GPR158: variants seen among roughly 807,000 people sequenced by gnomAD.
The protein encoded by GPR158 is G protein-coupled receptor 158, also known as metabotropic glycine receptor.
Under a neutral mutation model 78.2 loss-of-function variants are expected in GPR158, and 30 were observed. The ratio of observed to expected loss-of-function variants is 0.38; its 90% CI spans 0.29 to 0.52. The LOEUF is 0.52. Ranked by LOEUF, GPR158 falls within the 20% of genes least tolerant of loss-of-function variation. GPR158 has a pLI of 0.83. For synonymous variants in GPR158, 581 were observed against 591.1 expected, an observed-to-expected ratio of 0.98 and a Z score of 0.25; for missense variants, 1,463 against 1,523.5, an observed-to-expected ratio of 0.96 and a Z score of 0.66.
chr10:25,201,479 A>G (rs888554971), intron 1 of GPR158, among the ~76,000 whole-genome samples: 3 of 151,910 alleles, frequency 2.0e-5, no homozygotes, highest in African/African-American at 7.3e-5. Context: ...TCCTATTTGG[A>G]TGTCTTTTAT....
Position 25,598,656 on chromosome 10 carries a change from G to A in GPR158, c.3030G>A (p.Glu1010=), listed in dbSNP as rs1239316857. 1 of 1,613,988 alleles carries A rather than the reference G, an allele frequency of 6.2e-7. No individual in the cohort carries two copies. Among genetic ancestry groups the A allele is most frequent in the Non-Finnish European group, 8.5e-7 (1 of 1,179,988 alleles). The change falls in exon 11 of 11, where the codon GAG becomes GAA. Residue 1010 remains glutamate (E), a synonymous_variant. Coordinates refer to ENST00000376351, the MANE Select transcript of GPR158 (RefSeq NM_020752.3). ...ACATTGGGGAGGTGTGTCCTTGGGA[G>A]GTTTATGACCTGACCCCTGGTCCTG... The part of the protein sequence containing the change: ...NFDIGEVCPW[E]VYDLTPGPVP...
At chr10:25,560,958 GT>G (rs35398278) in intron 6 of GPR158, among the ~76,000 whole-genome samples, 13 of 151,136 alleles carry the variant, frequency 8.6e-5, no homozygotes, top group South Asian at 8.4e-4. Context: ...CTTAATGTGT[GT>G]TTTTTTTTAA....
rs76398733 is a variant in GPR158 at position 25,517,064 on chromosome 10, T to C, written c.1405-33912T>C. Among the ~76,000 whole-genome samples, 226 of 150,130 alleles carry C rather than the reference T, an allele frequency of 1.5e-3. 4 individuals carry two copies. The highest frequency in any genetic ancestry group is 4.6e-3 in the Admixed American group (70 of 15,220). ...TGTTTCATTGAGCAGTGGCTTGTAGTTCTCCTTGAAGAGGTCCTTCACATC... is the reference window on the plus strand; with the variant it reads ...TGTTTCATTGAGCAGTGGCTTGTAGCTCTCCTTGAAGAGGTCCTTCACATC... On this transcript the variant is annotated intron_variant, in intron 5 of 10. Coordinates refer to ENST00000376351, the MANE Select transcript of GPR158 (RefSeq NM_020752.3).
intron 6 of GPR158, among the ~76,000 whole-genome samples, chr10:25,552,504 G>C (rs1247542783): frequency 3.3e-5 from 5 of 150,892 alleles, no homozygotes; most frequent in Non-Finnish European, 5.9e-5. Flanking sequence ...TTAGTGTCTA[G>C]TGGGTCCTCT....
chr10:25,439,080 C>G (rs928105021), intron 4 of GPR158, among the ~76,000 whole-genome samples: 1 of 152,150 alleles, frequency 6.6e-6, no homozygotes, highest in Non-Finnish European at 1.5e-5. Context: ...AATATTTGCT[C>G]TCTGGCACAT....
At chr10:25,508,949 T>A (rs1423617577) in intron 5 of GPR158, among the ~76,000 whole-genome samples, 3 of 152,216 alleles carry the variant, frequency 2.0e-5, no homozygotes, top group Non-Finnish European at 4.4e-5. Context: ...ACTTACCTGT[T>A]AAGAATTTCC....
chr10:25,229,653 G>A (rs901127870), intron 2 of GPR158, among the ~76,000 whole-genome samples: 2 of 152,084 alleles, frequency 1.3e-5, no homozygotes, highest in East Asian at 3.9e-4. Context: ...CTGATTCTAG[G>A]CCTATTTTTG....
intron 4 of GPR158, among the ~76,000 whole-genome samples, chr10:25,432,444 A>T (rs1834924490): frequency 1.3e-5 from 2 of 152,238 alleles, no homozygotes; most frequent in African/African-American, 4.8e-5. Context: ...TGTACTAAAC[A>T]TATATGTGCA....
At chr10:25,433,907 C>T (rs1170389268) in intron 4 of GPR158, among the ~76,000 whole-genome samples, 1 of 151,854 alleles carries the variant, frequency 6.6e-6, no homozygotes, top group Non-Finnish European at 1.5e-5. Flanking sequence ...CGCCTGTAAT[C>T]CCAGCACTTT....
At chr10:25,192,701 G>A (rs1420138577) in intron 1 of GPR158, among the ~76,000 whole-genome samples, 1 of 151,498 alleles carries the variant, frequency 6.6e-6, no homozygotes, top group African/African-American at 2.4e-5. Context: ...GATTTATGAT[G>A]GTTCTACCTA....
intron 5 of GPR158, among the ~76,000 whole-genome samples, chr10:25,546,517 T>A (rs1337445830): frequency 6.6e-6 from 1 of 152,198 alleles, no homozygotes; most frequent in Non-Finnish European, 1.5e-5. Context: ...GTTTTCTTCA[T>A]TTGGCATCTT....
chr10:25,481,782 C>T (rs1835666665), intron 5 of GPR158, among the ~76,000 whole-genome samples: 1 of 152,156 alleles, frequency 6.6e-6, no homozygotes, highest in South Asian at 2.1e-4. Flanking sequence ...CACACCAAGA[C>T]TTGTTATTTT....
At chr10:25,544,305 T>C (rs1836630643) in intron 5 of GPR158, among the ~76,000 whole-genome samples, 1 of 151,108 alleles carries the variant, frequency 6.6e-6, no homozygotes, top group African/African-American at 2.4e-5. Context: ...TTTTTTGTGA[T>C]ACATATTTTG....
intron 2 of GPR158, among the ~76,000 whole-genome samples, chr10:25,375,492 T>A (rs1395949226): frequency 6.6e-6 from 1 of 151,684 alleles, no homozygotes; most frequent in African/African-American, 2.4e-5. Context: ...TCTTATAGTT[T>A]TACCTTTTAA....
chr10:25,448,083 C>CTT (rs35421884), intron 4 of GPR158, among the ~76,000 whole-genome samples: 71 of 118,132 alleles, frequency 6.0e-4, no homozygotes, highest in South Asian at 2.6e-3. Flanking sequence ...TGTCTGACTT[C>CTT]TTTTTTTTTT....
Position 25,395,919 on chromosome 10 carries a change from A to G in GPR158, c.1017A>G (p.Pro339=). ...KCHLNNSECM[P]IKGLGFVLGA... Reference sequence around the variant, plus strand: ...TCTTTTCTTCTTCATAGTGTATGCCAATTAAAGGCCTAGGATTCGTTCTTG... The same window carrying G: ...TCTTTTCTTCTTCATAGTGTATGCCGATTAAAGGCCTAGGATTCGTTCTTG... The change falls in exon 3 of 11, where the codon CCA becomes CCG. Residue 339 remains proline, a synonymous_variant. Transcript: ENST00000376351. The G allele has an allele frequency of 6.4e-7, 1 of 1,563,084 alleles. No homozygotes were observed. The highest frequency in any genetic ancestry group is 8.8e-7 in the Non-Finnish European group (1 of 1,133,734).
At chr10:25,335,702 A>G (rs1344283557) in intron 2 of GPR158, among the ~76,000 whole-genome samples, 6 of 152,034 alleles carry the variant, frequency 3.9e-5, no homozygotes, top group Non-Finnish European at 5.9e-5. Flanking sequence ...TTTTGTTTAT[A>G]GTTTATGGCA....
intron 5 of GPR158, among the ~76,000 whole-genome samples, chr10:25,532,314 C>T (rs898716790): frequency 3.3e-5 from 5 of 152,116 alleles, no homozygotes; most frequent in Non-Finnish European, 7.4e-5. Flanking sequence ...CTCCCAGGGA[C>T]AGGGTATGCC....
At chr10:25,462,194 A>G (rs1835366255) in intron 4 of GPR158, among the ~76,000 whole-genome samples, 1 of 152,230 alleles carries the variant, frequency 6.6e-6, no homozygotes, top group African/African-American at 2.4e-5. Context: ...CTTAAGAATC[A>G]TGCTAAACCA....
Sources: allele counts gnomAD v4.1 joint callset (sites outside exome capture counted in the v4.1 genomes callset), GRCh38; gene constraint gnomAD v4.1.1; transcripts MANE v1.5; gene names NCBI Gene and HGNC (gene_info 2026-07-23, HGNC 2026-07-21).